The following PARP6 variants were observed in gnomAD, a reference collection of about 807,000 sequenced individuals.
The protein encoded by PARP6 is poly(ADP-ribose) polymerase family member 6.
A neutral mutation model predicts 92.0 loss-of-function variants in PARP6; 27 were observed. That is an observed-to-expected ratio of 0.29 (90% confidence interval 0.22 to 0.40). The LOEUF (loss-of-function observed/expected upper bound fraction) is 0.40, where lower values mean the gene tolerates loss of function less well. PARP6 is among the 10% of genes least tolerant of loss of function. The probability of loss-of-function intolerance (pLI) is 1.00; values close to 1 mark genes in which losing one functional copy is unlikely to be tolerated. For synonymous variants in PARP6, 272 were observed against 281.2 expected, an observed-to-expected ratio of 0.97 and a Z score of 0.33; for missense variants, 501 against 784.5, an observed-to-expected ratio of 0.64 and a Z score of 4.32.
In PARP6 at chr15:72,242,653, G is replaced by A; in HGVS notation, c.1608C>T (p.Val536=). 1.2e-6 allele frequency: 2 copies of A among 1,612,270 alleles called. No individual in the cohort carries two copies. Among genetic ancestry groups the A allele is most frequent in the Non-Finnish European group, 1.7e-6 (2 of 1,178,438 alleles). ...TGGTATTCATCCTGTTGTATCTCTG[G>A]ACCAGCTCATCCTTGGAGGGCATCC... is the stretch of plus-strand genomic sequence containing the variant. ...QHRMPSKDEL[V]QRYNRMNTIP... The change falls in exon 21 of 24, where the codon GTC becomes GTT. Residue 536 remains valine (V), a synonymous_variant. Coordinates refer to ENST00000569795, the MANE Select transcript of PARP6 (RefSeq NM_001323532.2). This position sits in a 1 kb window ranked among gnomAD's most constrained non-coding sequence, Gnocchi z 4.3.
chr15:72,259,908 C>T (rs2085632080), intron 10 of PARP6, among the ~76,000 whole-genome samples: 1 of 152,236 alleles, frequency 6.6e-6, no homozygotes, highest in South Asian at 2.1e-4. Flanking sequence ...TACAGTCCTA[C>T]TCACAAACTA....
rs941570461 is a variant in PARP6 at position 72,253,965 on chromosome 15, A to C, written c.1192-461T>G. 4.9e-5 allele frequency: 22 copies of C among 451,940 alleles called. 1 individual carries two copies. The highest frequency in any genetic ancestry group is 3.9e-4 in the Admixed American group (16 of 41,226). The allele number at this position is 451,940 out of a possible 1,614,324, so 28.0% of individuals were successfully genotyped here. A position where few individuals can be genotyped will look rare whatever the true frequency, so the allele number is the denominator to read the frequency against. The stretch of plus-strand genomic sequence containing the variant: ...AGAGGCCCACCTGTAAATGAGTACA[A>C]ATGAATGTCTATTCATGCAGAGATT... On this transcript the variant is annotated intron_variant, in intron 15 of 23. Transcript: ENST00000569795.
Position 72,242,742 on chromosome 15 carries a change from C to A in PARP6, c.1562-43G>T. ...ACCCACTTCATTTATCAAAAATTTA[C>A]GAAAGTGCCTACTATGTCCCAGCAC... On this transcript the variant is annotated intron_variant, in intron 20 of 23. Transcript: ENST00000569795. The surrounding 1 kb of genome is among the most constrained non-coding windows in gnomAD (Gnocchi z 4.3). The A allele has an allele frequency of 2.0e-5, 26 of 1,284,804 alleles. No homozygotes were observed. The highest frequency in any genetic ancestry group is 2.9e-5 in the Non-Finnish European group (26 of 899,364). The allele number at this position is 1,284,804 out of a possible 1,614,324, so 79.6% of individuals were successfully genotyped here.
At chr15:72,265,323 T>C in intron 6 of PARP6, 90 bp downstream of exon 6, 1 of 1,191,840 alleles carries the variant, frequency 8.4e-7, no homozygotes, top group Non-Finnish European at 1.3e-6. Flanking sequence ...GTGCTCCAAA[T>C]ACAGCACTCG....
intron 15 of PARP6, 83 bp downstream of exon 15, chr15:72,254,372 A>T: frequency 1.0e-6 from 1 of 960,972 alleles, no homozygotes; most frequent in Non-Finnish European, 1.7e-6. Context: ...CTAAATCTTC[A>T]TCCCACTCCC....
chr15:72,244,172 G>C (rs1049986683), intron 20 of PARP6: 5 of 152,124 alleles, frequency 3.3e-5, no homozygotes, highest in Non-Finnish European at 7.4e-5. Context: ...TCTCAAACTG[G>C]GTATGTCAGT....
chr15:72,271,627 G>C (rs2087448020), intron 1 of PARP6, among the ~76,000 whole-genome samples: 1 of 152,202 alleles, frequency 6.6e-6, no homozygotes, highest in Admixed American at 6.5e-5. Flanking sequence ...GAAGGACTGG[G>C]ATGTAAAGAC....
At chr15:72,250,978 A>G (rs754221736) in intron 17 of PARP6, 24 bp from the exon 18 acceptor site, 17 of 1,552,988 alleles carry the variant, frequency 1.1e-5, no homozygotes, top group Non-Finnish European at 1.5e-5. Flanking sequence ...TGGGGGTGGA[A>G]TCAGGAAAAC....
rs1332614053 is a variant in PARP6, at chr15:72,241,833, G to A, written c.1790+68C>T. ...AGATAACAGAAATAGACTTTTCCCA[G>A]TAGCCACACACCATCACACCCCCAA... is the stretch of plus-strand genomic sequence containing the variant. On this transcript the variant is annotated intron_variant, in intron 23 of 23. Transcript: ENST00000569795. This position sits in a 1 kb window ranked among gnomAD's most constrained non-coding sequence, Gnocchi z 4.1. 7.0e-6 allele frequency: 8 copies of A among 1,143,636 alleles called. No homozygotes were observed. The highest frequency in any genetic ancestry group is 1.1e-5 in the Non-Finnish European group (8 of 754,060). 70.8% of individuals were successfully genotyped at this position (1,143,636 alleles called of 1,614,324 possible). A position where few individuals can be genotyped will look rare whatever the true frequency, so the allele number is the denominator to read the frequency against.
In PARP6 at chr15:72,242,150, T is replaced by C; in HGVS notation, c.1705+7A>G. 6.2e-7 allele frequency: 1 copy of C among 1,612,480 alleles called. No homozygotes were observed. Among genetic ancestry groups the C allele is most frequent in the Non-Finnish European group, 8.5e-7 (1 of 1,178,456 alleles). On this transcript the variant is annotated splice_region_variant and intron_variant, in intron 22 of 23. Transcript: ENST00000569795. The surrounding 1 kb of genome is among the most constrained non-coding windows in gnomAD (Gnocchi z 4.3). ...CCAGAAAAACAGGACATGGGCAAGCTACCTACCTTCACAAAGTGCTATACA... is the reference window on the plus strand; with the variant it reads ...CCAGAAAAACAGGACATGGGCAAGCCACCTACCTTCACAAAGTGCTATACA...
chr15:72,266,972 C>A, intron 3 of PARP6, 150 bp from the exon 4 acceptor site: 2 of 639,406 alleles, frequency 3.1e-6, no homozygotes, highest in Non-Finnish European at 5.6e-6. Context: ...TTTCATGTCA[C>A]CCTTTGTGAG....
intron 20 of PARP6, among the ~76,000 whole-genome samples, chr15:72,248,721 T>C (rs1233070880): frequency 1.3e-5 from 2 of 152,224 alleles, no homozygotes; most frequent in African/African-American, 2.4e-5. Flanking sequence ...CTGATTAGAA[T>C]CTGGACCTCA....
chr15:72,241,792 G>T lies in PARP6; in HGVS notation c.1790+109C>A. The T allele has an allele frequency of 3.4e-6, 3 of 878,160 alleles. No homozygotes were observed. Among genetic ancestry groups the T allele is most frequent in the Non-Finnish European group, 5.7e-6 (3 of 524,734 alleles). The allele number at this position is 878,160 out of a possible 1,614,324, so 54.4% of individuals were successfully genotyped here. ...TCCCAGTGACAGCTCCACTCAGGTA[G>T]CCAAGGACATGTCTCAGATAACAGA... On this transcript the variant is annotated intron_variant, in intron 23 of 23. Coordinates refer to ENST00000569795, the MANE Select transcript of PARP6 (RefSeq NM_001323532.2). The surrounding 1 kb of genome is among the most constrained non-coding windows in gnomAD (Gnocchi z 4.1).
rs1281097893 is a variant in PARP6 at position 72,241,717 on chromosome 15, C to T, written c.1791-160G>A. Among the ~76,000 whole-genome samples, 3 of 152,216 alleles carry T rather than the reference C, an allele frequency of 2.0e-5. No individual in the cohort carries two copies. The East Asian group carries it at 5.8e-4, about 29-fold the overall frequency. On this transcript the variant is annotated intron_variant, in intron 23 of 23. Transcript: ENST00000569795. This position sits in a 1 kb window ranked among gnomAD's most constrained non-coding sequence, Gnocchi z 4.1. ...AGATATTCAGCTTATCTGGTTTCCT[C>T]TAGATAGATCCCAACCATCTATACC...
intron 11 of PARP6, among the ~76,000 whole-genome samples, chr15:72,258,933 T>C (rs561554385): frequency 6.6e-6 from 1 of 152,336 alleles, no homozygotes; most frequent in African/African-American, 2.4e-5. Context: ...AAATTAAAGG[T>C]TGTTTTCTCA....
intron 7 of PARP6, 33 bp from the exon 8 acceptor site, chr15:72,264,654 C>G (rs184321082): frequency 2.6e-6 from 4 of 1,561,532 alleles, no homozygotes; most frequent in African/African-American, 1.4e-5. Flanking sequence ...CTAGTAAGTA[C>G]ATATCTCTTG....
rs372692377 is a variant in PARP6, at chr15:72,258,079, C to T, written c.864G>A (p.Val288=). The T allele has an allele frequency of 3.1e-4, 502 of 1,613,970 alleles. 10 individuals are homozygous for T. In the South Asian group the frequency reaches 5.1e-3, roughly 16 times the overall value. ...TTTGGAAGACATGCTGCTCATCACACACCACACAGTACTCATTCAATGTTG... is the reference window on the plus strand; with the variant it reads ...TTTGGAAGACATGCTGCTCATCACATACCACACAGTACTCATTCAATGTTG... ...RIPTLNEYCV[V]CDEQHVFQNG... is the part of the protein sequence containing the mutation. Residue 288 remains valine (V), a synonymous_variant, in exon 12 of 24, where the codon GTG becomes GTA. Coordinates refer to ENST00000569795, the MANE Select transcript of PARP6 (RefSeq NM_001323532.2).
At chr15:72,250,303 C>G (rs1482572880) in intron 18 of PARP6, 1 of 498,512 alleles carries the variant, frequency 2.0e-6, no homozygotes, top group Non-Finnish European at 3.7e-6. Flanking sequence ...CCCATCCTCT[C>G]TTCGGTGCTT....
rs762235152 is a variant in PARP6 at position 72,260,547 on chromosome 15, G to A, written c.687C>T (p.Pro229=). Residue 229 remains proline, a synonymous_variant, in exon 10 of 24, where the codon CCC becomes CCT. Coordinates refer to ENST00000569795, the MANE Select transcript of PARP6 (RefSeq NM_001323532.2). ...GGCACAGGAGACCTGCCTGGGGGCT[G>A]GGAGGGTAGCCAAACACTTCCACTT... ...NPKVEVFGYP[P]SPQAGLLCPQ... 3 of 1,614,090 alleles carry A rather than the reference G, an allele frequency of 1.9e-6. No individual in the cohort carries two copies. Among genetic ancestry groups the A allele is most frequent in the Non-Finnish European group, 2.5e-6 (3 of 1,180,036 alleles).
Sources: allele counts gnomAD v4.1 joint callset (sites outside exome capture counted in the v4.1 genomes callset), GRCh38; gene constraint gnomAD v4.1.1; non-coding constraint Gnocchi (gnomAD v3.1); transcripts MANE v1.5; gene names NCBI Gene and HGNC (gene_info 2026-07-23, HGNC 2026-07-21).